PRKCA: variants seen among roughly 807,000 people sequenced by gnomAD.
PRKCA encodes the protein protein kinase C alpha type.
Under a neutral mutation model 87.0 loss-of-function variants are expected in PRKCA, and 27 were observed. The ratio of observed to expected loss-of-function variants is 0.31; its 90% confidence interval spans 0.23 to 0.43. The LOEUF (loss-of-function observed/expected upper bound fraction) is 0.43. PRKCA is among the 20% of genes least tolerant of loss of function. PRKCA has a pLI of 1.00. For synonymous variants in PRKCA, 329 were observed against 311.1 expected, an observed-to-expected ratio of 1.06 and a Z score of -0.61; for missense variants, 518 against 852.3, an observed-to-expected ratio of 0.61 and a Z score of 4.88.
intron 2 of PRKCA, among the ~76,000 whole-genome samples, chr17:66,396,110 G>A (rs1040132948): frequency 2.0e-5 from 3 of 151,748 alleles, no homozygotes; most frequent in African/African-American, 4.8e-5. Flanking sequence ...TAAGGATATG[G>A]TTGCTAAGTA....
intron 3 of PRKCA, among the ~76,000 whole-genome samples, chr17:66,593,817 C>G (rs541594979): frequency 6.6e-6 from 1 of 152,154 alleles, no homozygotes; most frequent in African/African-American, 2.4e-5. Flanking sequence ...GGTGTGGGGG[C>G]CCACGCCTGT....
In PRKCA at chr17:66,774,038, G is replaced by A. The variant is rs563946455; in HGVS notation, c.1576G>A (p.Val526Ile). The A allele has an allele frequency of 1.9e-5, 30 of 1,613,888 alleles. No individual in the cohort carries two copies. The highest frequency in any genetic ancestry group is 1.1e-4 in the South Asian group (10 of 91,080). ...GKSVDWWAYGVLLYEMLAGQP... is the reference protein window; with the variant it reads ...GKSVDWWAYGILLYEMLAGQP... ...ATCTGTGGACTGGTGGGCCTATGGC[G>A]TCCTGTTGTATGAAATGCTTGCCGG... Residue 526 changes from valine to isoleucine, a missense_variant, in exon 14 of 17, where the codon GTC becomes ATC. Physicochemically the swap from Val to Ile is conservative, Grantham distance 29. Transcript: ENST00000413366.
chr17:66,496,929 C>T (rs1378805788), intron 3 of PRKCA, among the ~76,000 whole-genome samples: 1 of 111,362 alleles, frequency 9.0e-6, no homozygotes, highest in Non-Finnish European at 2.0e-5. Flanking sequence ...AGGTGTGAGC[C>T]ACTGGGCCCT....
intron 2 of PRKCA, among the ~76,000 whole-genome samples, chr17:66,432,015 A>G (rs1220988004): frequency 6.6e-6 from 1 of 152,298 alleles, no homozygotes; most frequent in East Asian, 1.9e-4. Context: ...AGGCTGAAAC[A>G]TGCCCTGAAA....
chr17:66,524,463 C>T (rs982112334), intron 3 of PRKCA, among the ~76,000 whole-genome samples: 8 of 152,154 alleles, frequency 5.3e-5, no homozygotes, highest in East Asian at 1.9e-4. Flanking sequence ...ATTTTAAATA[C>T]GGGTAGTCCC....
intron 2 of PRKCA, among the ~76,000 whole-genome samples, chr17:66,457,537 C>T (rs960771535): frequency 1.3e-5 from 2 of 152,142 alleles, no homozygotes; most frequent in African/African-American, 4.8e-5. Context: ...GCTGTGTCCC[C>T]ACCCAAATCT....
chr17:66,587,833 A>G (rs1969657557), intron 3 of PRKCA, among the ~76,000 whole-genome samples: 2 of 130,474 alleles, frequency 1.5e-5, no homozygotes, highest in Non-Finnish European at 3.4e-5. Flanking sequence ...ATATATACGT[A>G]TATGTGTGTA....
chr17:66,547,470 C>G (rs1968180362), intron 3 of PRKCA, among the ~76,000 whole-genome samples: 1 of 152,016 alleles, frequency 6.6e-6, no homozygotes, highest in African/African-American at 2.4e-5. Context: ...AATCACTGTT[C>G]CATGAATGTA....
intron 3 of PRKCA, among the ~76,000 whole-genome samples, chr17:66,605,585 C>G (rs1037820195): frequency 6.6e-6 from 1 of 152,158 alleles, no homozygotes; most frequent in Admixed American, 6.5e-5. Context: ...CCCAACAATT[C>G]CTCTTCTAGG....
At chr17:66,614,660 C>A (rs903936429) in intron 3 of PRKCA, among the ~76,000 whole-genome samples, 2 of 152,166 alleles carry the variant, frequency 1.3e-5, no homozygotes, top group African/African-American at 4.8e-5. Context: ...CATCATTAAC[C>A]TTGTGACATT....
In PRKCA at chr17:66,451,342, G is replaced by GAATT. The variant is rs561215714; in HGVS notation, c.206-44858_206-44855dup. 8.3e-3 allele frequency among the ~76,000 whole-genome samples: 1,091 copies of GAATT among 130,692 alleles called. 16 individuals carry two copies. Among genetic ancestry groups the GAATT allele is most frequent in the South Asian group, 0.024 (86 of 3,638 alleles). The allele number at this position is 130,692 out of a possible 152,430, so 85.7% of individuals were successfully genotyped here. A position where few individuals can be genotyped will look rare whatever the true frequency, so the allele number is the denominator to read the frequency against. On this transcript the variant is annotated intron_variant, in intron 2 of 16. Coordinates refer to ENST00000413366, the MANE Select transcript of PRKCA (RefSeq NM_002737.3). ...TCAAAACTTTTAGAATACGGAGTTA[G>GAATT]AATTTATTTATTTATTTATTTATTT... is the stretch of plus-strand genomic sequence containing the variant.
At chr17:66,760,137 C>T (rs1287677173) in intron 13 of PRKCA, among the ~76,000 whole-genome samples, 1 of 152,184 alleles carries the variant, frequency 6.6e-6, no homozygotes, top group Non-Finnish European at 1.5e-5. Context: ...AGAACATTCA[C>T]CAATATAGAC....
chr17:66,433,355 A>C (rs904880340), intron 2 of PRKCA, among the ~76,000 whole-genome samples: 1 of 152,158 alleles, frequency 6.6e-6, no homozygotes, highest in Admixed American at 6.5e-5. Flanking sequence ...GAAGTTTCCT[A>C]TAAACATAGT....
At chr17:66,629,634 A>G (rs1038368325) in intron 3 of PRKCA, among the ~76,000 whole-genome samples, 57 of 152,238 alleles carry the variant, frequency 3.7e-4, no homozygotes, top group African/African-American at 1.1e-3. Flanking sequence ...CTTTCCAACT[A>G]TGGTATTGGA....
chr17:66,663,774 C>G (rs924515264), intron 5 of PRKCA, among the ~76,000 whole-genome samples: 2 of 152,124 alleles, frequency 1.3e-5, no homozygotes, highest in Non-Finnish European at 2.9e-5. Flanking sequence ...CCGGCCCTCC[C>G]TTTCTCCTTT....
At chr17:66,677,939 G>T (rs1044996309) in intron 5 of PRKCA, among the ~76,000 whole-genome samples, 1 of 152,180 alleles carries the variant, frequency 6.6e-6, no homozygotes, top group Non-Finnish European at 1.5e-5. Flanking sequence ...GTCTAACCCA[G>T]AACATTGTCA....
intron 2 of PRKCA, among the ~76,000 whole-genome samples, chr17:66,477,863 G>A (rs1204986083): frequency 6.6e-6 from 1 of 152,168 alleles, no homozygotes; most frequent in African/African-American, 2.4e-5. Flanking sequence ...CCTGTTAGCA[G>A]TTACTCCCCA....
intron 14 of PRKCA, chr17:66,775,095 G>A (rs1975016234): frequency 2.0e-6 from 2 of 985,296 alleles, no homozygotes; most frequent in African/African-American, 3.5e-5. Context: ...AGGAATTAGT[G>A]GAGAAATCTG....
chr17:66,455,821 G>A (rs1405792024), intron 2 of PRKCA, among the ~76,000 whole-genome samples: 1 of 152,150 alleles, frequency 6.6e-6, no homozygotes, highest in Non-Finnish European at 1.5e-5. Flanking sequence ...AGTAGGCCTA[G>A]CTACACTCAT....
Sources: gnomAD v4.1 joint callset for allele counts (sites outside exome capture counted in the v4.1 genomes callset) on GRCh38, gnomAD v4.1.1 for gene constraint, MANE v1.5 for transcripts, NCBI Gene and HGNC (gene_info 2026-07-23, HGNC 2026-07-21) for gene names.